SYT14: variants seen among roughly 807,000 people sequenced by gnomAD.
The protein encoded by SYT14 is synaptotagmin-14.
SYT14 carries 32 observed loss-of-function variants against 74.2 expected under a neutral mutation model. The observed-to-expected ratio is 0.43, with a 90% CI of 0.33 to 0.58. The LOEUF is 0.58. Among genes scored for constraint, SYT14 ranks in the 20% least tolerant of loss-of-function variants. The probability of loss-of-function intolerance (pLI) is 0.05; values close to 1 mark genes in which losing one functional copy is unlikely to be tolerated. For missense variants in SYT14, 791 were observed against 981.8 expected, an observed-to-expected ratio of 0.81 and a Z score of 2.60; for synonymous variants, 298 against 337.7, an observed-to-expected ratio of 0.88 and a Z score of 1.29.
At chr1:210,002,794 A>G (rs1424140397) in intron 2 of SYT14, among the ~76,000 whole-genome samples, 1 of 152,040 alleles carries the variant, frequency 6.6e-6, no homozygotes, top group African/African-American at 2.4e-5. Flanking sequence ...TGCTGTCTTT[A>G]AAAAAATGTT....
chr1:210,139,501 A>G (rs1289812747), intron 7 of SYT14, among the ~76,000 whole-genome samples: 1 of 152,064 alleles, frequency 6.6e-6, no homozygotes, highest in Non-Finnish European at 1.5e-5. Flanking sequence ...CTATTGAGAC[A>G]TGATTCACAG....
chr1:210,068,955 C>G (rs1228887296), intron 5 of SYT14, among the ~76,000 whole-genome samples: 1 of 151,686 alleles, frequency 6.6e-6, no homozygotes, highest in African/African-American at 2.4e-5. Flanking sequence ...TCAGTTGTAT[C>G]CAACACATTT....
chr1:209,950,115 A>G (rs1395814399), intron 1 of SYT14, among the ~76,000 whole-genome samples: 1 of 152,188 alleles, frequency 6.6e-6, no homozygotes, highest in African/African-American at 2.4e-5. Context: ...AACCTAATCA[A>G]TTTATATTAA....
At chr1:209,956,302 G>A (rs892541500) in intron 2 of SYT14, among the ~76,000 whole-genome samples, 2 of 151,986 alleles carry the variant, frequency 1.3e-5, no homozygotes, top group Non-Finnish European at 2.9e-5. Flanking sequence ...ACTCAAACAG[G>A]ATAGAGGTTT....
At chr1:209,952,840 AT>A (rs1251833910) in intron 2 of SYT14, 84 bp downstream of exon 2, 14 of 1,334,502 alleles carry the variant, frequency 1.0e-5, no homozygotes, top group Non-Finnish European at 1.4e-5. Context: ...ATGGCGGATA[AT>A]TTGTATTTAT....
rs1328803051 is a variant in SYT14, at chr1:209,938,373, G to T, written c.-534+96G>T. On this transcript the variant is annotated intron_variant, in intron 1 of 9. Transcript: ENST00000637265. ...GGCAGGCCGAGGCGCTGACGGGGCC[G>T]CCTCCTGTGGTCTGGAGCCGGCTGA... 9 of 1,323,720 alleles carry T rather than the reference G, an allele frequency of 6.8e-6. 1 individual carries two copies. The Admixed American group carries it at 1.7e-4, about 25-fold the overall frequency. The allele number at this position is 1,323,720 out of a possible 1,614,324, so 82.0% of individuals were successfully genotyped here.
At chr1:210,025,410 T>C (rs1427713865) in intron 5 of SYT14, among the ~76,000 whole-genome samples, 2 of 152,172 alleles carry the variant, frequency 1.3e-5, no homozygotes, top group East Asian at 3.9e-4. Context: ...ATCACACAAG[T>C]TTACAAAGGT....
chr1:210,123,012 T>C lies in SYT14; in HGVS notation c.2034+22551T>C, dbSNP rs565301151. On this transcript the variant is annotated intron_variant, in intron 7 of 9. Transcript: ENST00000637265. ...TATCACAGTTCCTGAATCCAAGTGT[T>C]TAATTTATAAAAATATTATTGAATG... 1.1e-3 allele frequency among the ~76,000 whole-genome samples: 165 copies of C among 152,324 alleles called. 1 individual carries two copies. Among genetic ancestry groups the C allele is most frequent in the Non-Finnish European group, 2.0e-3 (135 of 68,026 alleles).
chr1:210,098,283 G>A (rs888244854), intron 6 of SYT14, among the ~76,000 whole-genome samples: 15 of 151,942 alleles, frequency 9.9e-5, no homozygotes, highest in African/African-American at 3.4e-4. Context: ...CAGTAGTTAC[G>A]GTACATGTTA....
chr1:210,090,686 A>G (rs2081849081), intron 5 of SYT14, among the ~76,000 whole-genome samples: 1 of 152,166 alleles, frequency 6.6e-6, no homozygotes, highest in Admixed American at 6.5e-5. Flanking sequence ...GTGGTGTTTG[A>G]TAGTTCCACT....
chr1:209,999,090 A>G (rs1478129173), intron 2 of SYT14, among the ~76,000 whole-genome samples: 1 of 152,144 alleles, frequency 6.6e-6, no homozygotes, highest in East Asian at 1.9e-4. Context: ...ACTCAGTGGC[A>G]GAAAAGTAAA....
chr1:210,056,733 G>A (rs1179087157), intron 5 of SYT14, among the ~76,000 whole-genome samples: 1 of 150,924 alleles, frequency 6.6e-6, no homozygotes, highest in African/African-American at 2.4e-5. Context: ...GGCTGAGGCA[G>A]GAGAATCACG....
intron 7 of SYT14, among the ~76,000 whole-genome samples, chr1:210,149,072 T>G (rs1441424765): frequency 2.6e-5 from 4 of 152,054 alleles, no homozygotes; most frequent in Non-Finnish European, 4.4e-5. Context: ...CAATCTCACT[T>G]ATAAGCGTAT....
chr1:210,026,481 G>A (rs2080414084), intron 5 of SYT14, among the ~76,000 whole-genome samples: 1 of 151,898 alleles, frequency 6.6e-6, no homozygotes, highest in African/African-American at 2.4e-5. Context: ...AGATTACGTA[G>A]CTATACTTAT....
In SYT14 at chr1:210,165,275, C is replaced by G. The variant is rs1408576082; in HGVS notation, c.*4233C>G. On this transcript the variant is annotated 3_prime_UTR_variant, in exon 10 of 10. Transcript: ENST00000637265. ...TTATATTTATCAATAATCCCACTCACCTTGATTGAATGGCAGAACTAAGGG... is the reference window on the plus strand; with the variant it reads ...TTATATTTATCAATAATCCCACTCAGCTTGATTGAATGGCAGAACTAAGGG... 2.0e-5 allele frequency: 3 copies of G among 151,982 alleles called. No individual in the cohort carries two copies. The East Asian group carries it at 5.8e-4, about 29-fold the overall frequency. 9.4% of individuals were successfully genotyped at this position (151,982 alleles called of 1,614,324 possible).
chr1:210,070,297 T>C (rs112383348), intron 5 of SYT14, among the ~76,000 whole-genome samples: 47 of 152,202 alleles, frequency 3.1e-4, no homozygotes, highest in African/African-American at 1.1e-3. Flanking sequence ...GAAATGAGGT[T>C]CTCTAGTTCC....
intron 5 of SYT14, among the ~76,000 whole-genome samples, chr1:210,047,039 A>G (rs139532728): frequency 1.7e-3 from 259 of 152,262 alleles, no homozygotes; most frequent in African/African-American, 5.9e-3. Context: ...TTTTAATTCT[A>G]TAATTAATTA....
At chr1:210,086,042 G>A (rs971466153) in intron 5 of SYT14, among the ~76,000 whole-genome samples, 2 of 152,112 alleles carry the variant, frequency 1.3e-5, no homozygotes, top group South Asian at 2.1e-4. Context: ...TTAAAATAAG[G>A]ATTCAATTTC....
chr1:210,031,089 CTTTTTTT>C (rs35900057), intron 5 of SYT14, among the ~76,000 whole-genome samples: 8 of 104,334 alleles, frequency 7.7e-5, no homozygotes, highest in Non-Finnish European at 1.3e-4. Flanking sequence ...CCATGCCTGT[CTTTTTTT>C]TTTTTTTTTT....
Sources: gnomAD v4.1 joint callset for allele counts (sites outside exome capture counted in the v4.1 genomes callset) on GRCh38, gnomAD v4.1.1 for gene constraint, MANE v1.5 for transcripts, NCBI Gene and HGNC (gene_info 2026-07-23, HGNC 2026-07-21) for gene names.